UTP25: variants seen among roughly 807,000 people sequenced by gnomAD.
The protein encoded by UTP25 is UTP25 small subunit processome component, also known as U3 small nucleolar RNA-associated protein 25 homolog.
UTP25 carries 50 observed loss-of-function variants against 78.9 expected under a neutral mutation model. The ratio of observed to expected loss-of-function variants is 0.63; its 90% CI spans 0.50 to 0.80. The LOEUF (loss-of-function observed/expected upper bound fraction) is 0.80, where lower values mean the gene tolerates loss of function less well. Ranked by LOEUF, UTP25 falls within the 30% of genes least tolerant of loss-of-function variation. UTP25 has a pLI of 0.00. For synonymous variants in UTP25, 329 were observed against 336.5 expected (o/e 0.98, Z 0.24); for missense variants, 846 against 911.3 (o/e 0.93, Z 0.92).
intron 11 of UTP25, among the ~76,000 whole-genome samples, chr1:209,845,424 A>G (rs2078191969): frequency 6.6e-6 from 1 of 152,204 alleles, no homozygotes; most frequent in Non-Finnish European, 1.5e-5. Context: ...AGTGAAGTGG[A>G]TGGATTGGAA....
At chr1:209,850,437 C>G (rs1293480952) in intron 11 of UTP25, among the ~76,000 whole-genome samples, 3 of 152,222 alleles carry the variant, frequency 2.0e-5, no homozygotes, top group African/African-American at 7.2e-5. Flanking sequence ...CCAAGGGAGT[C>G]TAACGTCTTC....
chr1:209,835,377 A>G (rs1416861502), intron 5 of UTP25, among the ~76,000 whole-genome samples: 1 of 152,226 alleles, frequency 6.6e-6, no homozygotes, highest in Non-Finnish European at 1.5e-5. Context: ...GCCAGATAAT[A>G]TAATGATGGG....
Position 209,847,277 on chromosome 1 carries a change from TAA to T in UTP25, c.2027+3582_2027+3583del, listed in dbSNP as rs2078202863. On this transcript the variant is annotated intron_variant, in intron 11 of 11. Coordinates refer to ENST00000491415, the MANE Select transcript of UTP25 (RefSeq NM_014388.7). ...AGATTTCATTGTGAAAGAAAATTGT[TAA>T]GAGACTAACAATAAACATCTGTTTA... Among the ~76,000 whole-genome samples the T allele has an allele frequency of 2.6e-5, 4 of 152,362 alleles. No individual in the cohort carries two copies. In the East Asian group the frequency reaches 5.8e-4, roughly 22 times the overall value.
chr1:209,836,389 A>G (rs2078133106), intron 5 of UTP25, among the ~76,000 whole-genome samples: 1 of 152,234 alleles, frequency 6.6e-6, no homozygotes, highest in African/African-American at 2.4e-5. Context: ...TATCGAGTGT[A>G]CATTGTCAAT....
Position 209,853,110 on chromosome 1 carries a change from T to C in UTP25, c.*1663T>C, listed in dbSNP as rs778288641. ...AATATTTAGACATTTTTACTTCTTT[T>C]TCTTCAGCATGGTAAGTAAAACCAT... On this transcript the variant is annotated 3_prime_UTR_variant, in exon 12 of 12. Transcript: ENST00000491415. 4 of 152,052 alleles carry C rather than the reference T, an allele frequency of 2.6e-5. No individual in the cohort carries two copies. The highest frequency in any genetic ancestry group is 4.4e-5 in the Non-Finnish European group (3 of 67,886). The allele number at this position is 152,052 out of a possible 1,614,324, so 9.4% of individuals were successfully genotyped here. A position where few individuals can be genotyped will look rare whatever the true frequency, so the allele number is the denominator to read the frequency against.
chr1:209,842,875 C>A, intron 10 of UTP25, 180 bp downstream of exon 10: 1 of 602,524 alleles, frequency 1.7e-6, no homozygotes, highest in Non-Finnish European at 2.9e-6. Flanking sequence ...GAAATAGTGA[C>A]TTTGGCCTAG....
At position 209,837,178 on chromosome 1, in the gene UTP25, T is replaced by C. The variant is rs2078138612; in HGVS notation, c.1029T>C (p.Asp343=). 3.1e-6 allele frequency: 5 copies of C among 1,613,976 alleles called. No individual in the cohort carries two copies. Among genetic ancestry groups the C allele is most frequent in the African/African-American group, 1.3e-5 (1 of 74,918 alleles). ...RSQKFGVGDD[D]DFRDQGLTRP... ...AGAAGTTTGGAGTGGGTGATGATGA[T>C]GACTTCAGAGACCAAGGGTTAACAA... The change falls in exon 6 of 12, where the codon GAT becomes GAC. Residue 343 remains aspartate (D), a synonymous_variant. Coordinates refer to ENST00000491415, the MANE Select transcript of UTP25 (RefSeq NM_014388.7).
At position 209,830,921 on chromosome 1, in the gene UTP25, A is replaced by G; in HGVS notation, c.266A>G (p.Asp89Gly). The G allele has an allele frequency of 6.2e-7, 1 of 1,613,926 alleles. No homozygotes were observed. The highest frequency in any genetic ancestry group is 8.5e-7 in the Non-Finnish European group (1 of 1,179,770). Reference protein sequence around the residue: ...LKNVSEEEEEDEEEEEEEDSI... With the variant: ...LKNVSEEEEEGEEEEEEEDSI... ...AATGTTTCTGAGGAAGAAGAGGAAG[A>G]TGAGGAGGAGGAAGAGGAAGAAGAC... The change falls in exon 3 of 12, where the codon GAT becomes GGT. Residue 89 changes from aspartate (D) to glycine (G), a missense_variant. Asp to Gly is a moderately conservative substitution (Grantham distance 94). Transcript: ENST00000491415.
intron 1 of UTP25, among the ~76,000 whole-genome samples, chr1:209,828,496 G>A (rs1320943645): frequency 2.0e-5 from 3 of 148,160 alleles, no homozygotes. Flanking sequence ...GTCTCCTCCC[G>A]GGTTCAAGCG....
rs926230166 is a variant in UTP25, at chr1:209,856,210, A to G, written c.*4763A>G. On this transcript the variant is annotated 3_prime_UTR_variant, in exon 12 of 12. Transcript: ENST00000491415. ...TTATAGAGGGACTGTGTGAGAAGGG[A>G]AGAGACTGCTATTGTTTGCCCTATA... 6.6e-6 allele frequency: 1 copy of G among 152,230 alleles called. No individual in the cohort carries two copies. Among genetic ancestry groups the G allele is most frequent in the African/African-American group, 2.4e-5 (1 of 41,442 alleles). 9.4% of individuals were successfully genotyped at this position (152,230 alleles called of 1,614,324 possible).
chr1:209,851,648 A>G lies in UTP25; in HGVS notation c.*201A>G, dbSNP rs2078239601. The G allele has an allele frequency of 5.3e-6, 3 of 568,798 alleles. No individual in the cohort carries two copies. In the East Asian group the frequency reaches 1.0e-4, roughly 19 times the overall value. 35.2% of individuals were successfully genotyped at this position (568,798 alleles called of 1,614,324 possible). A position where few individuals can be genotyped will look rare whatever the true frequency, so the allele number is the denominator to read the frequency against. On this transcript the variant is annotated 3_prime_UTR_variant, in exon 12 of 12. Coordinates refer to ENST00000491415, the MANE Select transcript of UTP25 (RefSeq NM_014388.7). ...TGTAAACCAGATTTTGGTAAATCCCATCTTTCAGAAGTGAAGAGGGGGCTA... is the reference window on the plus strand; with the variant it reads ...TGTAAACCAGATTTTGGTAAATCCCGTCTTTCAGAAGTGAAGAGGGGGCTA...
At chr1:209,847,880 A>G (rs1277341348) in intron 11 of UTP25, among the ~76,000 whole-genome samples, 1 of 152,224 alleles carries the variant, frequency 6.6e-6, no homozygotes, top group African/African-American at 2.4e-5. Flanking sequence ...CTGTCTCAAA[A>G]TGTCAGCAGT....
chr1:209,831,337 C>G (rs627459), intron 3 of UTP25, among the ~76,000 whole-genome samples: 103,783 of 152,072 alleles, frequency 0.68, 36,118 homozygotes, highest in Non-Finnish European at 0.75. Context: ...TTGTGACTGT[C>G]TGAATTTATT....
chr1:209,828,234 G>A (rs181573479), intron 1 of UTP25, 64 bp downstream of exon 1: 3 of 1,289,546 alleles, frequency 2.3e-6, no homozygotes, highest in African/African-American at 1.5e-5. Flanking sequence ...TGGTCCTCTG[G>A]TCTCCCAGAT....
chr1:209,833,427 T>A (rs1184341242), intron 4 of UTP25, 69 bp downstream of exon 4: 1 of 1,300,904 alleles, frequency 7.7e-7, no homozygotes, highest in Admixed American at 2.7e-5. Context: ...CTAATACACA[T>A]TGAATCTATT....
chr1:209,842,420 C>A lies in UTP25; in HGVS notation c.1641C>A (p.Asn547Lys). ...ATGCCCAGATCAACTCAGTGTTCAA[C>A]AAGTACTGTGTCAACATGCAAGGCC... ...LQDAQINSVF[N>K]KYCVNMQGQV... The change falls in exon 9 of 12, where the codon AAC becomes AAA. Residue 547 changes from asparagine (N) to lysine (K), a missense_variant. Coordinates refer to ENST00000491415, the MANE Select transcript of UTP25 (RefSeq NM_014388.7). 3 of 1,614,158 alleles carry A rather than the reference C, an allele frequency of 1.9e-6. No individual in the cohort carries two copies. The highest frequency in any genetic ancestry group is 2.5e-6 in the Non-Finnish European group (3 of 1,180,002).
intron 10 of UTP25, chr1:209,843,131 T>C: frequency 5.1e-6 from 2 of 391,580 alleles, no homozygotes; most frequent in Non-Finnish European, 9.3e-6. Flanking sequence ...TGTTCAGTGA[T>C]TATTTGTTGA....
intron 4 of UTP25, among the ~76,000 whole-genome samples, chr1:209,834,427 G>A (rs1408600969): frequency 2.0e-5 from 3 of 152,138 alleles, no homozygotes; most frequent in Admixed American, 2.0e-4. Context: ...TGGATCATTT[G>A]TTCAATTCAG....
intron 6 of UTP25, 68 bp downstream of exon 6, chr1:209,837,279 C>T (rs1401744559): frequency 6.6e-6 from 10 of 1,514,828 alleles, no homozygotes; most frequent in Non-Finnish European, 8.9e-6. Flanking sequence ...AGGTGCCTGA[C>T]ACTTAGCAGG....
Sources: gnomAD v4.1 joint callset for allele counts (sites outside exome capture counted in the v4.1 genomes callset) on GRCh38, gnomAD v4.1.1 for gene constraint, MANE v1.5 for transcripts, NCBI Gene and HGNC (gene_info 2026-07-23, HGNC 2026-07-21) for gene names.